BICRA: variants seen among roughly 807,000 people sequenced by gnomAD.
BICRA encodes the protein BRD4 interacting chromatin remodeling complex associated protein, also known as BRD4-interacting chromatin-remodeling complex-associated protein.
Under a neutral mutation model 96.9 loss-of-function variants are expected in BICRA, and 31 were observed. The ratio of observed to expected loss-of-function variants is 0.32; its 90% CI spans 0.24 to 0.43. The LOEUF is 0.43. BICRA is among the 20% of genes least tolerant of loss of function. The pLI is 1.00. For synonymous variants in BICRA, 1,350 were observed against 1,071.8 expected (o/e 1.26, Z -5.07); for missense variants, 2,283 against 2,190.3 (o/e 1.04, Z -0.84).
chr19:47,623,846 C>T lies in BICRA; in HGVS notation c.-108+14678C>T, dbSNP rs1323722832. Among the ~76,000 whole-genome samples the T allele has an allele frequency of 1.6e-4, 23 of 139,450 alleles. No individual in the cohort carries two copies. In the East Asian group the frequency reaches 4.6e-3, roughly 28 times the overall value. 91.5% of individuals were successfully genotyped at this position (139,450 alleles called of 152,430 possible). ...AAGGAAGTGTTCTTTCTCTCTCTCT[C>T]TTTTTTTTTTTTTTTTGAGACTGAG... On this transcript the variant is annotated intron_variant, in intron 1 of 14. Coordinates refer to ENST00000594866, the MANE Select transcript of BICRA (RefSeq NM_001394372.1).
Position 47,680,020 on chromosome 19 carries a change from G to C in BICRA, c.850G>C (p.Gly284Arg). The change falls in exon 6 of 15, where the codon GGG becomes CGG. Residue 284 changes from glycine (G) to arginine (R), a missense_variant. Transcript: ENST00000594866. ...TLASAGVSPQGAGLVIQKNLS... is the reference protein window; with the variant it reads ...TLASAGVSPQRAGLVIQKNLS... The stretch of plus-strand genomic sequence containing the variant: ...GGCGTCGGCCGGTGTCTCGCCACAG[G>C]GGGCTGGCCTGGTCATCCAGAAGAA... The C allele has an allele frequency of 6.6e-7, 1 of 1,518,594 alleles. No individual in the cohort carries two copies. The highest frequency in any genetic ancestry group is 1.2e-5 in the South Asian group (1 of 80,876). 94.1% of individuals were successfully genotyped at this position (1,518,594 alleles called of 1,614,324 possible).
intron 1 of BICRA, among the ~76,000 whole-genome samples, chr19:47,659,276 T>C (rs1972667751): frequency 6.6e-6 from 1 of 152,186 alleles, no homozygotes; most frequent in African/African-American, 2.4e-5. Context: ...GATCTAAAGG[T>C]CACTAAAAAT....
chr19:47,636,817 G>A (rs1406994779), intron 1 of BICRA, among the ~76,000 whole-genome samples: 1 of 151,880 alleles, frequency 6.6e-6, no homozygotes, highest in Admixed American at 6.6e-5. Flanking sequence ...CTGTATTACT[G>A]TATTTAATAT....
Position 47,679,434 on chromosome 19 carries a change from GGGC to G in BICRA, c.273_275del (p.Gly93del), listed in dbSNP as rs1229112178. ...ACATCCTGGGCTCTCCTGCGACAGG[GGGC>G]GGCGGCGGGGGCAGTGGGGGCGCTG... On this transcript the variant is annotated inframe_deletion, in exon 6 of 15. Coordinates refer to ENST00000594866, the MANE Select transcript of BICRA (RefSeq NM_001394372.1). 2 of 1,493,498 alleles carry G rather than the reference GGGC, an allele frequency of 1.3e-6. No individual in the cohort carries two copies. The highest frequency in any genetic ancestry group is 1.8e-6 in the Non-Finnish European group (2 of 1,119,808). The allele number at this position is 1,493,498 out of a possible 1,614,324, so 92.5% of individuals were successfully genotyped here.
chr19:47,696,417 G>A, intron 10 of BICRA, 34 bp from the exon 11 acceptor site: 3 of 1,560,688 alleles, frequency 1.9e-6, no homozygotes, highest in Non-Finnish European at 2.6e-6. Flanking sequence ...GGCTTCTGGA[G>A]GCAAAGGCCT....
intron 4 of BICRA, among the ~76,000 whole-genome samples, chr19:47,674,981 G>A (rs938789426): frequency 2.0e-5 from 3 of 152,196 alleles, no homozygotes; most frequent in Admixed American, 6.5e-5. Context: ...AATTTATAGA[G>A]CAGAGGCATG....
At chr19:47,684,023 C>T (rs1973107571) in intron 7 of BICRA, among the ~76,000 whole-genome samples, 1 of 152,214 alleles carries the variant, frequency 6.6e-6, no homozygotes, top group African/African-American at 2.4e-5. Flanking sequence ...GCCATGGTTT[C>T]ACTTGCACGC....
intron 1 of BICRA, among the ~76,000 whole-genome samples, chr19:47,657,466 G>A (rs563958722): frequency 3.3e-5 from 5 of 149,932 alleles, no homozygotes; most frequent in Non-Finnish European, 7.4e-5. Flanking sequence ...GCATGATTTC[G>A]GCTCACTGCA....
At chr19:47,686,260 G>A (rs1973157369) in intron 7 of BICRA, among the ~76,000 whole-genome samples, 3 of 151,946 alleles carry the variant, frequency 2.0e-5, no homozygotes, top group African/African-American at 7.3e-5. Context: ...CACCACCCAG[G>A]ACATGCATAC....
chr19:47,690,279 G>T (rs1042738813), intron 7 of BICRA, among the ~76,000 whole-genome samples: 2 of 152,162 alleles, frequency 1.3e-5, no homozygotes, highest in Non-Finnish European at 2.9e-5. Context: ...TGGGATTACA[G>T]GTGTGAGCCA....
At chr19:47,617,892 G>A (rs1972008790) in intron 1 of BICRA, among the ~76,000 whole-genome samples, 1 of 151,870 alleles carries the variant, frequency 6.6e-6, no homozygotes, top group Non-Finnish European at 1.5e-5. Context: ...TGTTATTAAT[G>A]GTGGTGTTAT....
chr19:47,674,552 A>T (rs964265548), intron 4 of BICRA, among the ~76,000 whole-genome samples: 14 of 152,112 alleles, frequency 9.2e-5, no homozygotes, highest in African/African-American at 3.4e-4. Flanking sequence ...GCAGTGTCTG[A>T]AGGTCAGGAA....
At chr19:47,615,477 C>G (rs1006787496) in intron 1 of BICRA, among the ~76,000 whole-genome samples, 25 of 152,152 alleles carry the variant, frequency 1.6e-4, no homozygotes, top group African/African-American at 5.3e-4. Context: ...AGGTCAGGAG[C>G]GTGGGCTCTG....
At chr19:47,642,865 A>G (rs935762331) in intron 1 of BICRA, among the ~76,000 whole-genome samples, 3 of 152,266 alleles carry the variant, frequency 2.0e-5, no homozygotes, top group Non-Finnish European at 4.4e-5. Flanking sequence ...ACGGGTATGT[A>G]GTAATATCTC....
chr19:47,665,605 G>A (rs1429930063), intron 1 of BICRA, among the ~76,000 whole-genome samples: 2 of 152,192 alleles, frequency 1.3e-5, no homozygotes, highest in Non-Finnish European at 2.9e-5. Flanking sequence ...GAGTAGCTGG[G>A]ATTACCGGTG....
At chr19:47,622,107 C>T (rs1197544226) in intron 1 of BICRA, among the ~76,000 whole-genome samples, 1 of 152,054 alleles carries the variant, frequency 6.6e-6, no homozygotes, top group Non-Finnish European at 1.5e-5. Context: ...GCTGGGACTA[C>T]AGGCCTGCAC....
chr19:47,656,814 C>T (rs766372476), intron 1 of BICRA, among the ~76,000 whole-genome samples: 15 of 152,070 alleles, frequency 9.9e-5, no homozygotes, highest in Admixed American at 2.6e-4. Context: ...AGCGGCCACA[C>T]GTCTGATATT....
intron 1 of BICRA, among the ~76,000 whole-genome samples, chr19:47,609,712 G>C (rs560646160): frequency 6.6e-6 from 1 of 151,884 alleles, no homozygotes; most frequent in East Asian, 1.9e-4. Flanking sequence ...CGGAGGCGGA[G>C]AGCCTGCATC....
At position 47,699,615 on chromosome 19, in the gene BICRA, C is replaced by A. The variant is rs2123614290; in HGVS notation, c.3595+210C>A. 6.6e-6 allele frequency among the ~76,000 whole-genome samples: 1 copy of A among 152,282 alleles called. No individual in the cohort carries two copies. Among genetic ancestry groups the A allele is most frequent in the Non-Finnish European group, 1.5e-5 (1 of 68,026 alleles). ...TAGCCCACATCCATCTTCCTCCATC[C>A]CTGTGTGGCCCTTCCACCCCCACCA... On this transcript the variant is annotated intron_variant, in intron 14 of 14. Coordinates refer to ENST00000594866, the MANE Select transcript of BICRA (RefSeq NM_001394372.1). The surrounding 1 kb of genome is among the most constrained non-coding windows in gnomAD (Gnocchi z 5.0).
Sources: allele counts gnomAD v4.1 joint callset (sites outside exome capture counted in the v4.1 genomes callset), GRCh38; gene constraint gnomAD v4.1.1; non-coding constraint Gnocchi (gnomAD v3.1); transcripts MANE v1.5; gene names NCBI Gene and HGNC (gene_info 2026-07-23, HGNC 2026-07-21).